RARB: variants seen among roughly 807,000 people sequenced by gnomAD.
The protein encoded by RARB is HBV-activated protein.
RARB carries 17 observed loss-of-function variants against 51.9 expected under a neutral mutation model. That is an observed-to-expected ratio of 0.33 (90% CI 0.22 to 0.49). The LOEUF is 0.49. RARB is among the 20% of genes least tolerant of loss of function. The pLI is 0.99. For missense variants in RARB, 369 were observed against 550.8 expected (o/e 0.67, Z 3.30); for synonymous variants, 215 against 195.4 (o/e 1.10, Z -0.84).
intron 1 of RARB, among the ~76,000 whole-genome samples, chr3:24,830,756 G>C (rs1342115829): frequency 6.6e-6 from 1 of 152,040 alleles, no homozygotes; most frequent in Non-Finnish European, 1.5e-5. Context: ...GAAGAGGAAA[G>C]AGGTAGGAGC....
At chr3:25,065,893 GGTT>G (rs1698651177) in intron 3 of RARB, among the ~76,000 whole-genome samples, 1 of 152,018 alleles carries the variant, frequency 6.6e-6, no homozygotes, top group Non-Finnish European at 1.5e-5. Flanking sequence ...TGACTTTTGT[GGTT>G]GTTCTGTAGA....
chr3:25,393,446 A>G (rs1381281202), intron 5 of RARB, among the ~76,000 whole-genome samples: 1 of 152,074 alleles, frequency 6.6e-6, no homozygotes, highest in Non-Finnish European at 1.5e-5. Context: ...GTCTTTTGTA[A>G]TAGTTTCAAT....
chr3:24,879,821 G>C (rs942623785), intron 2 of RARB, among the ~76,000 whole-genome samples: 1 of 152,162 alleles, frequency 6.6e-6, no homozygotes, highest in African/African-American at 2.4e-5. Flanking sequence ...GATTCAAGAT[G>C]TGTAGATTTT....
chr3:25,487,316 G>A (rs778902687), intron 2 of RARB, among the ~76,000 whole-genome samples: 13 of 152,168 alleles, frequency 8.5e-5, no homozygotes, highest in Admixed American at 2.6e-4. Flanking sequence ...GTTCCTCAGC[G>A]TGCGATGTGG....
intron 4 of RARB, among the ~76,000 whole-genome samples, chr3:25,151,711 C>T (rs1700289689): frequency 6.6e-6 from 1 of 152,132 alleles, no homozygotes; most frequent in Non-Finnish European, 1.5e-5. Context: ...CATATATGGA[C>T]CAATCGGATG....
At chr3:25,532,263 C>A (rs1698961778) in intron 3 of RARB, among the ~76,000 whole-genome samples, 1 of 152,124 alleles carries the variant, frequency 6.6e-6, no homozygotes, top group Non-Finnish European at 1.5e-5. Flanking sequence ...CTTATTATGG[C>A]TTCTCACTTG....
At chr3:25,309,616 A>T (rs1202753186) in intron 5 of RARB, among the ~76,000 whole-genome samples, 1 of 146,704 alleles carries the variant, frequency 6.8e-6, no homozygotes, top group African/African-American at 2.5e-5. Flanking sequence ...ACCTGCCTCA[A>T]CCTCCTGAGT....
At chr3:25,494,909 A>G (rs1469655203) in intron 2 of RARB, among the ~76,000 whole-genome samples, 1 of 152,248 alleles carries the variant, frequency 6.6e-6, no homozygotes, top group Non-Finnish European at 1.5e-5. Context: ...GACGCCTGCT[A>G]TGTGGCCAGA....
chr3:25,161,273 C>T (rs913226212), intron 4 of RARB, among the ~76,000 whole-genome samples: 2 of 151,710 alleles, frequency 1.3e-5, no homozygotes, highest in African/African-American at 4.8e-5. Flanking sequence ...CTCTGAAACT[C>T]CTGACCTCAA....
At chr3:25,131,941 G>T (rs1360674247) in intron 3 of RARB, among the ~76,000 whole-genome samples, 1 of 151,960 alleles carries the variant, frequency 6.6e-6, no homozygotes, top group Non-Finnish European at 1.5e-5. Flanking sequence ...GGGATCAGGG[G>T]TGCAAAAGAA....
chr3:25,391,689 C>T (rs1207910619), intron 5 of RARB, among the ~76,000 whole-genome samples: 1 of 152,008 alleles, frequency 6.6e-6, no homozygotes, highest in African/African-American at 2.4e-5. Context: ...TGTATATCTT[C>T]TTTTGAGAAT....
intron 5 of RARB, among the ~76,000 whole-genome samples, chr3:25,353,847 G>A (rs1705649546): frequency 6.6e-6 from 1 of 152,062 alleles, no homozygotes; most frequent in South Asian, 2.1e-4. Flanking sequence ...ATCATCTTAA[G>A]CTGTCTGTGG....
At chr3:25,132,563 C>G (rs867426593) in intron 4 of RARB, among the ~76,000 whole-genome samples, 1 of 151,786 alleles carries the variant, frequency 6.6e-6, no homozygotes, top group African/African-American at 2.4e-5. Context: ...TCTCAAAAAA[C>G]GTTATGCTTG....
intron 2 of RARB, among the ~76,000 whole-genome samples, chr3:24,955,815 C>T (rs1424937805): frequency 6.6e-6 from 1 of 151,986 alleles, no homozygotes; most frequent in Non-Finnish European, 1.5e-5. Flanking sequence ...TGGAGCTGCA[C>T]AGGAATAAAG....
At chr3:25,439,741 A>G (rs961801828) in intron 1 of RARB, among the ~76,000 whole-genome samples, 2 of 152,204 alleles carry the variant, frequency 1.3e-5, no homozygotes, top group Non-Finnish European at 2.9e-5. Flanking sequence ...TTGAATTTTC[A>G]TATACCGTAT....
At chr3:25,353,763 A>G (rs1705647377) in intron 5 of RARB, among the ~76,000 whole-genome samples, 1 of 152,108 alleles carries the variant, frequency 6.6e-6, no homozygotes, top group Non-Finnish European at 1.5e-5. Flanking sequence ...GAGGCCAGAG[A>G]GGTCCTAAAA....
intron 5 of RARB, among the ~76,000 whole-genome samples, chr3:25,395,727 C>G (rs998985661): frequency 6.6e-6 from 1 of 151,786 alleles, no homozygotes; most frequent in African/African-American, 2.4e-5. Context: ...TTTCTCTATG[C>G]TATCTATTTC....
chr3:25,017,499 T>C (rs1697538832), intron 2 of RARB, among the ~76,000 whole-genome samples: 1 of 152,188 alleles, frequency 6.6e-6, no homozygotes, highest in African/African-American at 2.4e-5. Context: ...TTGGCTTATC[T>C]GGTGCATTTT....
intron 2 of RARB, among the ~76,000 whole-genome samples, chr3:24,890,902 C>A (rs1463303708): frequency 6.6e-6 from 1 of 151,982 alleles, no homozygotes; most frequent in Non-Finnish European, 1.5e-5. Context: ...TGATCTTGGG[C>A]AAATTACTTT....
Sources: allele counts gnomAD v4.1 joint callset (sites outside exome capture counted in the v4.1 genomes callset), GRCh38; gene constraint gnomAD v4.1.1; transcripts MANE v1.5; gene names NCBI Gene and HGNC (gene_info 2026-07-23, HGNC 2026-07-21).